Variants in NRG1 observed in about 807,000 individuals in gnomAD.
NRG1 encodes the protein pro-neuregulin-1, membrane-bound isoform.
In NRG1, 18 loss-of-function variants were observed where a neutral mutation model predicts 63.8. That is an observed-to-expected ratio of 0.28 (90% CI 0.19 to 0.42). The LOEUF is 0.42. Ranked by LOEUF, NRG1 falls within the 10% of genes least tolerant of loss-of-function variation. NRG1 has a pLI of 1.00. For synonymous variants in NRG1, 302 were observed against 301.3 expected, an observed-to-expected ratio of 1.00 and a Z score of -0.02; for missense variants, 762 against 814.7, an observed-to-expected ratio of 0.94 and a Z score of 0.79.
chr8:31,657,792 A>G (rs1157373941), intron 1 of NRG1, among the ~76,000 whole-genome samples: 1 of 152,228 alleles, frequency 6.6e-6, no homozygotes, highest in Non-Finnish European at 1.5e-5. Context: ...AGATTCAAAA[A>G]GGTTTACAGA....
intron 1 of NRG1, among the ~76,000 whole-genome samples, chr8:31,684,204 T>A (rs1219351436): frequency 6.6e-6 from 1 of 152,200 alleles, no homozygotes; most frequent in East Asian, 1.9e-4. Flanking sequence ...CTTGAATGTT[T>A]GTGTTCCCTA....
At chr8:32,388,929 G>T (rs932042722) in intron 1 of NRG1, among the ~76,000 whole-genome samples, 1 of 152,152 alleles carries the variant, frequency 6.6e-6, no homozygotes, top group South Asian at 2.1e-4. Context: ...AAATTTAGGG[G>T]CATCCTTTTG....
At chr8:32,271,235 A>C (rs1444015312) in intron 1 of NRG1, among the ~76,000 whole-genome samples, 1 of 152,200 alleles carries the variant, frequency 6.6e-6, no homozygotes, top group Non-Finnish European at 1.5e-5. Flanking sequence ...AAAAAAGTAG[A>C]GAAAGAAGAT....
intron 7 of NRG1, among the ~76,000 whole-genome samples, chr8:32,754,148 A>G (rs1436853658): frequency 6.6e-6 from 1 of 152,200 alleles, no homozygotes; most frequent in Non-Finnish European, 1.5e-5. Context: ...TCTGAGTATA[A>G]TATTTGTATT....
intron 1 of NRG1, among the ~76,000 whole-genome samples, chr8:32,419,683 A>G (rs1390825170): frequency 1.3e-5 from 2 of 152,156 alleles, no homozygotes; most frequent in African/African-American, 4.8e-5. Flanking sequence ...TACATGTCAC[A>G]TGTTTCTTTT....
At chr8:32,007,177 T>C (rs1813914440) in intron 1 of NRG1, among the ~76,000 whole-genome samples, 1 of 152,018 alleles carries the variant, frequency 6.6e-6, no homozygotes, top group Non-Finnish European at 1.5e-5. Flanking sequence ...AATTGTATAC[T>C]ATAATGGATC....
intron 1 of NRG1, among the ~76,000 whole-genome samples, chr8:32,594,920 C>G (rs1474335275): frequency 3.3e-5 from 5 of 152,088 alleles, no homozygotes; most frequent in Non-Finnish European, 5.9e-5. Flanking sequence ...AAGAAAGGAG[C>G]CATTGTTAAG....
chr8:32,687,439 A>T (rs111430094), intron 5 of NRG1, among the ~76,000 whole-genome samples: 2,507 of 152,290 alleles, frequency 0.016, 27 homozygotes, highest in Middle Eastern at 0.031. Context: ...GGGGAAGAAA[A>T]GGGAAAACCA....
intron 1 of NRG1, chr8:32,442,708 TAAAG>T (rs1819708364): frequency 6.6e-6 from 1 of 152,002 alleles, no homozygotes; most frequent in South Asian, 2.1e-4. Flanking sequence ...TAAGAAAAAA[TAAAG>T]ATTTAGAAAT....
intron 1 of NRG1, among the ~76,000 whole-genome samples, chr8:31,809,152 A>C (rs1822582355): frequency 6.6e-6 from 1 of 151,820 alleles, no homozygotes; most frequent in Non-Finnish European, 1.5e-5. Flanking sequence ...TTCTGTAAGT[A>C]ATATACCTGT....
chr8:31,642,048 G>T (rs568689317), intron 1 of NRG1, among the ~76,000 whole-genome samples: 2 of 152,270 alleles, frequency 1.3e-5, no homozygotes, highest in South Asian at 2.1e-4. Context: ...TGTTAGGATT[G>T]CACCACTCAG....
intron 5 of NRG1, among the ~76,000 whole-genome samples, chr8:32,624,889 G>A (rs1387761616): frequency 6.6e-6 from 1 of 152,108 alleles, no homozygotes; most frequent in African/African-American, 2.4e-5. Flanking sequence ...AAAATTCCTA[G>A]TTTCTTTTAC....
intron 1 of NRG1, among the ~76,000 whole-genome samples, chr8:32,092,461 CAA>C (rs71208167): frequency 1.3e-4 from 11 of 83,684 alleles, no homozygotes; most frequent in South Asian, 4.7e-4. Flanking sequence ...GACCCTGTCT[CAA>C]AAAAAAAAAA....
chr8:32,693,551 C>CAA (rs765480717), intron 5 of NRG1, among the ~76,000 whole-genome samples: 15 of 68,016 alleles, frequency 2.2e-4, no homozygotes, highest in African/African-American at 7.0e-4. Context: ...TTTTCATTTC[C>CAA]AAAAAAAAAA....
At chr8:31,732,365 A>AT (rs1814178240) in intron 1 of NRG1, among the ~76,000 whole-genome samples, 1 of 152,162 alleles carries the variant, frequency 6.6e-6, no homozygotes, top group South Asian at 2.1e-4. Context: ...AATGCCTAAG[A>AT]TATTGGGCTA....
chr8:31,680,881 C>T (rs1031008622), intron 1 of NRG1, among the ~76,000 whole-genome samples: 6 of 152,124 alleles, frequency 3.9e-5, no homozygotes, highest in Non-Finnish European at 8.8e-5. Context: ...TTCCTGCCCG[C>T]ACACAGAACA....
At chr8:31,698,177 A>T (rs1351682661) in intron 1 of NRG1, among the ~76,000 whole-genome samples, 10 of 152,092 alleles carry the variant, frequency 6.6e-5, no homozygotes, top group Admixed American at 6.5e-4. Flanking sequence ...TAATATGCTT[A>T]TAATTTTTCT....
chr8:32,172,030 G>T (rs1840118355), intron 1 of NRG1, among the ~76,000 whole-genome samples: 1 of 152,160 alleles, frequency 6.6e-6, no homozygotes, highest in African/African-American at 2.4e-5. Context: ...GGAGATCTGA[G>T]AACGGACAGA....
chr8:32,185,163 AAC>A (rs1156582078), intron 1 of NRG1, among the ~76,000 whole-genome samples: 1 of 152,194 alleles, frequency 6.6e-6, no homozygotes, highest in East Asian at 1.9e-4. Context: ...TACACACACA[AAC>A]ACACACAAAT....
Sources: allele counts gnomAD v4.1 joint callset (sites outside exome capture counted in the v4.1 genomes callset), GRCh38; gene constraint gnomAD v4.1.1; transcripts MANE v1.5; gene names NCBI Gene and HGNC (gene_info 2026-07-23, HGNC 2026-07-21).